The following PC variants were observed in gnomAD, a reference collection of about 807,000 sequenced individuals.
PC encodes the protein pyruvate carboxylase.
Under a neutral mutation model 107.8 loss-of-function variants are expected in PC, and 46 were observed. The ratio of observed to expected loss-of-function variants is 0.43; its 90% CI spans 0.34 to 0.55. PC has a LOEUF of 0.55. Ranked by LOEUF, PC falls within the 20% of genes least tolerant of loss-of-function variation. The pLI is 0.04. For synonymous variants in PC, 662 were observed against 684.7 expected, an observed-to-expected ratio of 0.97 and a Z score of 0.52; for missense variants, 1,241 against 1,643.1, an observed-to-expected ratio of 0.76 and a Z score of 4.23.
chr11:66,875,012 TGA>T (rs897037153), intron 3 of PC, among the ~76,000 whole-genome samples: 49 of 152,092 alleles, frequency 3.2e-4, no homozygotes, highest in African/African-American at 1.1e-3. Context: ...GGTGCTGTCC[TGA>T]GAGAGGGAAG....
intron 3 of PC, among the ~76,000 whole-genome samples, chr11:66,912,475 G>T (rs1948359653): frequency 1.3e-5 from 2 of 152,240 alleles, no homozygotes; most frequent in Non-Finnish European, 2.9e-5. Flanking sequence ...CACAAGAAGA[G>T]GCAGCGAGGT....
In PC at chr11:66,858,703, G is replaced by T. The variant is rs775668753; in HGVS notation, c.1368+5071C>A. ...ATGCACTGGGTCGGTCCTGACGACC[G>T]GTTGGTTGGCAACTCCTCCCGAGCC... On this transcript the variant is annotated intron_variant, in intron 12 of 22. Coordinates refer to ENST00000393960, the MANE Select transcript of PC (RefSeq NM_001040716.2). The surrounding 1 kb of genome is among the most constrained non-coding windows in gnomAD (Gnocchi z 5.9). 1 of 1,550,810 alleles carries T rather than the reference G, an allele frequency of 6.4e-7. No homozygotes were observed. Among genetic ancestry groups the T allele is most frequent in the South Asian group, 1.2e-5 (1 of 84,654 alleles).
rs756776135 is a variant in PC, at chr11:66,849,946, A to G, written c.2889T>C (p.Phe963=). The part of the protein sequence containing the change: ...GVPHGGFPEP[F]RSKVLKDLPR... ...GCTGGGCCTTCCCTACCTTAGAGCG[A>G]AAGGGTTCGGGGAACCCCCCATGGG... Residue 963 remains phenylalanine (F), a synonymous_variant, in exon 20 of 23, where the codon TTT becomes TTC. Coordinates refer to ENST00000393960, the MANE Select transcript of PC (RefSeq NM_001040716.2). The G allele has an allele frequency of 1.2e-6, 2 of 1,613,472 alleles. No individual in the cohort carries two copies. Among genetic ancestry groups the G allele is most frequent in the South Asian group, 1.1e-5 (1 of 91,084 alleles).
chr11:66,883,682 C>T (rs1947261759), intron 3 of PC, among the ~76,000 whole-genome samples: 1 of 152,198 alleles, frequency 6.6e-6, no homozygotes, highest in Admixed American at 6.5e-5. Flanking sequence ...CCCCACATCT[C>T]CCTGGCACTC....
intron 3 of PC, among the ~76,000 whole-genome samples, chr11:66,873,825 T>TG (rs1320600564): frequency 2.8e-4 from 43 of 151,920 alleles, no homozygotes; most frequent in African/African-American, 1.0e-3. Flanking sequence ...TGGAGTGCAA[T>TG]GGCATGATCT....
At chr11:66,851,740 A>G in intron 16 of PC, 50 bp downstream of exon 16, 1 of 1,596,526 alleles carries the variant, frequency 6.3e-7, no homozygotes, top group South Asian at 1.1e-5. Flanking sequence ...ATGGCTCGGT[A>G]CCCTCTGGGC....
At chr11:66,903,751 G>T (rs1341975701) in intron 3 of PC, among the ~76,000 whole-genome samples, 2 of 35,404 alleles carry the variant, frequency 5.6e-5, no homozygotes, top group Admixed American at 6.3e-4. Flanking sequence ...CTCCATCTCA[G>T]GAAAAAAAAA....
intron 3 of PC, among the ~76,000 whole-genome samples, chr11:66,932,029 AAAAAAG>A (rs1204604679): frequency 6.9e-4 from 104 of 151,740 alleles, no homozygotes; most frequent in African/African-American, 2.3e-3. Context: ...AAAAAAAAAA[AAAAAAG>A]AAAAAGAAAA....
chr11:66,927,877 T>C (rs950235866), intron 3 of PC, among the ~76,000 whole-genome samples: 2 of 151,934 alleles, frequency 1.3e-5, no homozygotes, highest in Admixed American at 6.6e-5. Flanking sequence ...GTTTGTCGAA[T>C]TGGGACTAAG....
At position 66,850,832 on chromosome 11, in the gene PC, G is replaced by A; in HGVS notation, c.2315C>T (p.Thr772Ile). Residue 772 changes from threonine to isoleucine, a missense_variant, in exon 18 of 23, where the codon ACC becomes ATC. Thr to Ile is a moderately conservative substitution (Grantham distance 89). Transcript: ENST00000393960. The part of the protein sequence containing the change: ...RFPDLPLHIH[T>I]HDTSGAGVAA... ...CACGCCTGCCCCTGACGTGTCGTGG[G>A]TGTGGATGTGCAGTGGGAGGTCGGG... 2 of 1,612,226 alleles carry A rather than the reference G, an allele frequency of 1.2e-6. No individual in the cohort carries two copies. The highest frequency in any genetic ancestry group is 1.1e-5 in the South Asian group (1 of 91,086).
chr11:66,956,355 T>C (rs150754666), intron 1 of PC, among the ~76,000 whole-genome samples: 6,810 of 151,776 alleles, frequency 0.045, 495 homozygotes, highest in African/African-American at 0.15. Context: ...GAGGTCGAGG[T>C]GGGCGGATCA....
rs113994141 is a variant in PC, at chr11:66,871,824, G to A, written c.184C>T (p.Arg62Cys). 2.5e-6 allele frequency: 4 copies of A among 1,608,936 alleles called. No individual in the cohort carries two copies. Among genetic ancestry groups the A allele is most frequent in the African/African-American group, 1.3e-5 (1 of 74,936 alleles). Residue 62 changes from arginine (R) to cysteine (C), a missense_variant, in exon 5 of 23, where the codon CGC becomes TGC. By Grantham distance (180) the Arg-to-Cys change is radical. Transcript: ENST00000393960. The surrounding 1 kb of genome is among the most constrained non-coding windows in gnomAD (Gnocchi z 7.4). ...VFRACTELGI[R>C]TVAIYSEQDT... Reference sequence around the variant, plus strand: ...TGCTCAGAGTAGATGGCTACGGTGCGGATGCCCAGCTCCGTGCAGGCCCGG... The same window carrying A: ...TGCTCAGAGTAGATGGCTACGGTGCAGATGCCCAGCTCCGTGCAGGCCCGG...
intron 3 of PC, among the ~76,000 whole-genome samples, chr11:66,910,218 G>A (rs1235809051): frequency 6.6e-6 from 1 of 152,078 alleles, no homozygotes; most frequent in African/African-American, 2.4e-5. Flanking sequence ...GTGACAAACA[G>A]AACCAGGCTT....
chr11:66,952,111 C>G (rs1565308669), intron 3 of PC, among the ~76,000 whole-genome samples: 3 of 152,150 alleles, frequency 2.0e-5, no homozygotes, highest in Admixed American at 1.3e-4. Flanking sequence ...GGGGTCTTCT[C>G]AGAGACGGCC....
At position 66,954,446 on chromosome 11, in the gene PC, A is replaced by G. The variant is rs1344150793; in HGVS notation, c.-227-10T>C. The G allele has an allele frequency of 2.6e-5, 4 of 152,356 alleles. No homozygotes were observed. Among genetic ancestry groups the G allele is most frequent in the Non-Finnish European group, 4.4e-5 (3 of 68,144 alleles). The allele number at this position is 152,356 out of a possible 1,614,324, so 9.4% of individuals were successfully genotyped here. A position where few individuals can be genotyped will look rare whatever the true frequency, so the allele number is the denominator to read the frequency against. ...TGAGACTAGAAGGCAGCTAAGAGAA[A>G]GAGAGGAAGGCACGGTCAGTCAGGC... On this transcript the variant is annotated splice_polypyrimidine_tract_variant and intron_variant, in intron 1 of 22. Transcript: ENST00000393960.
At chr11:66,859,407 T>C (rs1309715208) in intron 12 of PC, among the ~76,000 whole-genome samples, 1 of 152,162 alleles carries the variant, frequency 6.6e-6, no homozygotes, top group African/African-American at 2.4e-5. Flanking sequence ...TATTTCTGCC[T>C]CTGCTGGTGC....
chr11:66,850,332 C>T lies in PC; in HGVS notation c.2606G>A (p.Gly869Asp), dbSNP rs1555015018. ...CTGGAAGTGCAGGTTGGTGTACTGGCCCCCTGGGATCTCATTTTCATACAC... is the reference window on the plus strand; with the variant it reads ...CTGGAAGTGCAGGTTGGTGTACTGGTCCCCTGGGATCTCATTTTCATACAC... ...SDVYENEIPG[G>D]QYTNLHFQAH... is the part of the protein sequence containing the mutation. Residue 869 changes from glycine to aspartate, a missense_variant, in exon 19 of 23, where the codon GGC (glycine) becomes GAC (aspartate). Gly to Asp is a moderately conservative substitution (Grantham distance 94). Coordinates refer to ENST00000393960, the MANE Select transcript of PC (RefSeq NM_001040716.2). 6.2e-7 allele frequency: 1 copy of T among 1,614,126 alleles called. No individual in the cohort carries two copies. Among genetic ancestry groups the T allele is most frequent in the Non-Finnish European group, 8.5e-7 (1 of 1,180,022 alleles).
rs745492002 is a variant in PC at position 66,950,558 on chromosome 11, C to T, written c.-1+1872G>A. Among the ~76,000 whole-genome samples the T allele has an allele frequency of 8.5e-5, 13 of 152,110 alleles. No homozygotes were observed. The South Asian group carries it at 1.5e-3, about 17-fold the overall frequency. On this transcript the variant is annotated intron_variant, in intron 3 of 22. Coordinates refer to ENST00000393960, the MANE Select transcript of PC (RefSeq NM_001040716.2). ...AAAGCTGAAGAGGAGGGGAGGGTGA[C>T]AAGCTTAGACTACAGAGCCTTAGTC...
intron 13 of PC, 25 bp downstream of exon 13, chr11:66,853,214 A>G (rs778572849): frequency 1.2e-6 from 2 of 1,608,888 alleles, no homozygotes; most frequent in South Asian, 1.1e-5. Flanking sequence ...AGGGGAGGGC[A>G]GGGCAGGGCA....
Sources: gnomAD v4.1 joint callset for allele counts (sites outside exome capture counted in the v4.1 genomes callset) on GRCh38, gnomAD v4.1.1 for gene constraint, Gnocchi (gnomAD v3.1) non-coding constraint, MANE v1.5 for transcripts, NCBI Gene and HGNC (gene_info 2026-07-23, HGNC 2026-07-21) for gene names.